Variants in MYO7B observed in about 807,000 individuals in gnomAD.
MYO7B encodes myosin VIIB, also known as unconventional myosin-VIIb.
A neutral mutation model predicts 259.7 loss-of-function variants in MYO7B; 212 were observed. The observed-to-expected ratio is 0.82, with a 90% CI of 0.73 to 0.91. The LOEUF is 0.91. Among genes scored for constraint, MYO7B ranks in the 40% least tolerant of loss-of-function variants. The pLI, the probability that MYO7B is intolerant of heterozygous loss-of-function variation, is 0.00. For missense variants in MYO7B, 2,732 were observed against 2,813.5 expected, an observed-to-expected ratio of 0.97 and a Z score of 0.66; for synonymous variants, 1,197 against 1,166.4, an observed-to-expected ratio of 1.03 and a Z score of -0.54.
At chr2:127,538,620 C>T (rs906689030) in intron 1 of MYO7B, among the ~76,000 whole-genome samples, 1 of 151,368 alleles carries the variant, frequency 6.6e-6, no homozygotes, top group African/African-American at 2.4e-5. Context: ...GGCTGGAGGG[C>T]AATGGCATGA....
In MYO7B at chr2:127,614,495, A is replaced by C. The variant is rs1680498901; in HGVS notation, c.3398+1892A>C. On this transcript the variant is annotated intron_variant, in intron 26 of 47. Transcript: ENST00000409816. The surrounding 1 kb of genome is among the most constrained non-coding windows in gnomAD (Gnocchi z 4.6). The stretch of plus-strand genomic sequence containing the variant: ...GATGGGCTCAGAATTCTCCAGGAAC[A>C]AGCAGGCGCTAATGTCTTTGTTCAT... Among the ~76,000 whole-genome samples, 1 of 152,148 alleles carries C rather than the reference A, an allele frequency of 6.6e-6. No homozygotes were observed. Among genetic ancestry groups the C allele is most frequent in the African/African-American group, 2.4e-5 (1 of 41,434 alleles).
At position 127,628,206 on chromosome 2, in the gene MYO7B, T is replaced by C. The variant is rs912809173; in HGVS notation, c.4461-166T>C. 1 of 834,974 alleles carries C rather than the reference T, an allele frequency of 1.2e-6. No individual in the cohort carries two copies. Among genetic ancestry groups the C allele is most frequent in the Non-Finnish European group, 2.0e-6 (1 of 508,312 alleles). 51.7% of individuals were successfully genotyped at this position (834,974 alleles called of 1,614,324 possible). ...AGGTCCTGTGCTCCGCCGTCCTTCA[T>C]TTGTCCAGACCCACAGTGGTGTCTG... On this transcript the variant is annotated intron_variant, in intron 33 of 47. Coordinates refer to ENST00000409816, the MANE Select transcript of MYO7B (RefSeq NM_001393586.1). This position sits in a 1 kb window ranked among gnomAD's most constrained non-coding sequence, Gnocchi z 4.8.
At position 127,629,638 on chromosome 2, in the gene MYO7B, C is replaced by T. The variant is rs1681353179; in HGVS notation, c.4625-7C>T. ...GCCCTCAGCAAATAGCCTCCCTGCC[C>T]TTACAGATGACACCACCCTCCTGGC... On this transcript the variant is annotated splice_polypyrimidine_tract_variant and splice_region_variant and intron_variant, in intron 34 of 47. Coordinates refer to ENST00000409816, the MANE Select transcript of MYO7B (RefSeq NM_001393586.1). 6.2e-7 allele frequency: 1 copy of T among 1,610,544 alleles called. No homozygotes were observed.
At chr2:127,551,563 GT>G (rs1251851656) in intron 1 of MYO7B, among the ~76,000 whole-genome samples, 1 of 152,234 alleles carries the variant, frequency 6.6e-6, no homozygotes, top group African/African-American at 2.4e-5. Context: ...TCGAGATGGG[GT>G]GAATTAGTCT....
chr2:127,574,639 T>G (rs1167854231), intron 7 of MYO7B, among the ~76,000 whole-genome samples: 1 of 152,238 alleles, frequency 6.6e-6, no homozygotes, highest in African/African-American at 2.4e-5. Context: ...ATTCTGAGAC[T>G]AGGCTAGTTG....
intron 1 of MYO7B, among the ~76,000 whole-genome samples, chr2:127,540,501 T>A (rs1443042236): frequency 6.6e-6 from 1 of 152,238 alleles, no homozygotes; most frequent in Non-Finnish European, 1.5e-5. Flanking sequence ...ATCTTATTGC[T>A]GGATCTAACG....
Position 127,624,330 on chromosome 2 carries a change from C to G in MYO7B, c.4047+10C>G, listed in dbSNP as rs1475234465. The stretch of plus-strand genomic sequence containing the variant: ...GTACAGCTTCGAGAAGGTGAGGGGC[C>G]TGAGAGCCAGGTCCACCCTAGGCTT... On this transcript the variant is annotated intron_variant, in intron 30 of 47. Coordinates refer to ENST00000409816, the MANE Select transcript of MYO7B (RefSeq NM_001393586.1). 7.0e-6 allele frequency: 11 copies of G among 1,561,260 alleles called. No individual in the cohort carries two copies. The African/African-American group carries it at 1.4e-4, about 19-fold the overall frequency.
Position 127,565,303 on chromosome 2 carries a change from A to T in MYO7B, c.203A>T (p.Asp68Val). ...CACCCCAACTCAGTCCAGGGTGTGG[A>T]CGACATGATCCGCCTGGGGGACCTG... is the stretch of plus-strand genomic sequence containing the variant. ...PMHPNSVQGVDDMIRLGDLNE... is the reference protein window; with the variant it reads ...PMHPNSVQGVVDMIRLGDLNE... Residue 68 changes from aspartate to valine, a missense_variant, in exon 4 of 48, where the codon GAC (aspartate) becomes GTC (valine). This residue lies in a region of MYO7B where 1,906 missense variants were observed against 2,026.4 expected (regional missense o/e 0.94). Coordinates refer to ENST00000409816, the MANE Select transcript of MYO7B (RefSeq NM_001393586.1). The T allele has an allele frequency of 6.2e-7, 1 of 1,614,008 alleles. No homozygotes were observed. Among genetic ancestry groups the T allele is most frequent in the Non-Finnish European group, 8.5e-7 (1 of 1,179,864 alleles).
chr2:127,592,454 A>G (rs931762171), intron 16 of MYO7B, among the ~76,000 whole-genome samples: 28 of 152,240 alleles, frequency 1.8e-4, no homozygotes, highest in African/African-American at 5.3e-4. Context: ...TAAACTGGGC[A>G]TGTGCAGAGG....
At chr2:127,582,562 C>T (rs1573651658) in intron 12 of MYO7B, 116 bp downstream of exon 12, 1 of 1,237,712 alleles carries the variant, frequency 8.1e-7, no homozygotes, top group East Asian at 2.5e-5. Context: ...CCTGGCGAGT[C>T]CCACCAGATC....
intron 1 of MYO7B, among the ~76,000 whole-genome samples, chr2:127,552,056 G>A (rs6713317): frequency 0.12 from 18,269 of 152,180 alleles, 1,677 homozygotes; most frequent in East Asian, 0.24. Flanking sequence ...CACAGTATTC[G>A]CAGGAGGGTG....
chr2:127,544,014 G>T (rs1422003750), intron 1 of MYO7B, among the ~76,000 whole-genome samples: 1 of 151,966 alleles, frequency 6.6e-6, no homozygotes, highest in Non-Finnish European at 1.5e-5. Context: ...CTCGTGATCT[G>T]CCTGCCTCGG....
chr2:127,576,484 G>A lies in MYO7B; in HGVS notation c.736-111G>A. On this transcript the variant is annotated intron_variant, in intron 7 of 47. Coordinates refer to ENST00000409816, the MANE Select transcript of MYO7B (RefSeq NM_001393586.1). This position sits in a 1 kb window ranked among gnomAD's most constrained non-coding sequence, Gnocchi z 4.9. ...GTCAGTGCCAGAGCTGCTCCTGGCT[G>A]AGAGATGTGGAGCGGAGGCCAGGGC... 1 of 617,112 alleles carries A rather than the reference G, an allele frequency of 1.6e-6. No homozygotes were observed. Among genetic ancestry groups the A allele is most frequent in the Non-Finnish European group, 2.7e-6 (1 of 372,556 alleles). The allele number at this position is 617,112 out of a possible 1,614,324, so 38.2% of individuals were successfully genotyped here.
rs1477353392 is a variant in MYO7B at position 127,535,945 on chromosome 2, G to A, written c.-24+114G>A. On this transcript the variant is annotated intron_variant, in intron 1 of 47. Transcript: ENST00000409816. The surrounding 1 kb of genome is among the most constrained non-coding windows in gnomAD (Gnocchi z 4.8). The stretch of plus-strand genomic sequence containing the variant: ...GAAATAAGATGGAACAGGTCTGAGG[G>A]ATAGAGAGTGGAGAAGCCCTTCAGG... The A allele has an allele frequency of 6.6e-6, 1 of 152,618 alleles. No individual in the cohort carries two copies. Among genetic ancestry groups the A allele is most frequent in the Non-Finnish European group, 1.5e-5 (1 of 68,346 alleles). 9.5% of individuals were successfully genotyped at this position (152,618 alleles called of 1,614,324 possible). A position where few individuals can be genotyped will look rare whatever the true frequency, so the allele number is the denominator to read the frequency against.
Position 127,628,544 on chromosome 2 carries a change from C to T in MYO7B, c.4624+9C>T, listed in dbSNP as rs886637445. ...GGACAGGAAGGCCACAGGTGCCAGA[C>T]TGGGTGGGGTGGGGTGGGGTGGGGT... On this transcript the variant is annotated intron_variant, in intron 34 of 47. Transcript: ENST00000409816. This position sits in a 1 kb window ranked among gnomAD's most constrained non-coding sequence, Gnocchi z 4.8. The T allele has an allele frequency of 2.9e-5, 15 of 516,034 alleles. No homozygotes were observed. Among genetic ancestry groups the T allele is most frequent in the Admixed American group, 6.6e-5 (1 of 15,110 alleles). The allele number at this position is 516,034 out of a possible 1,614,324, so 32.0% of individuals were successfully genotyped here. A position where few individuals can be genotyped will look rare whatever the true frequency, so the allele number is the denominator to read the frequency against.
rs1417246938 is a variant in MYO7B, at chr2:127,614,451, T to C, written c.3398+1848T>C. ...TGTACAGCTCCCATCTCCTGTCCTC[T>C]CTCCTCCTTGCCCATCAGGATGGGC... On this transcript the variant is annotated intron_variant, in intron 26 of 47. Coordinates refer to ENST00000409816, the MANE Select transcript of MYO7B (RefSeq NM_001393586.1). This position sits in a 1 kb window ranked among gnomAD's most constrained non-coding sequence, Gnocchi z 4.6. 6.6e-6 allele frequency among the ~76,000 whole-genome samples: 1 copy of C among 152,056 alleles called. No homozygotes were observed. Among genetic ancestry groups the C allele is most frequent in the African/African-American group, 2.4e-5 (1 of 41,410 alleles).
At chr2:127,612,418 C>T (rs1680420540) in intron 25 of MYO7B, 58 bp from the exon 26 acceptor site, 13 of 1,549,478 alleles carry the variant, frequency 8.4e-6, no homozygotes, top group Non-Finnish European at 1.0e-5. Flanking sequence ...GCACCAGTTT[C>T]CTACTTGGCA....
intron 26 of MYO7B, among the ~76,000 whole-genome samples, chr2:127,619,032 C>T (rs536709818): frequency 0.015 from 1,054 of 71,002 alleles, 7 homozygotes; most frequent in Non-Finnish European, 0.019. Context: ...TGGGGGCTGG[C>T]TGAATGGTGG....
intron 26 of MYO7B, among the ~76,000 whole-genome samples, chr2:127,618,008 TGTTA>T (rs914353490): frequency 2.0e-4 from 31 of 152,264 alleles, no homozygotes; most frequent in African/African-American, 7.0e-4. Flanking sequence ...CTATAGTCCC[TGTTA>T]GTTCCCGCAA....
Sources: allele counts gnomAD v4.1 joint callset (sites outside exome capture counted in the v4.1 genomes callset), GRCh38; gene constraint gnomAD v4.1.1; regional missense constraint gnomAD v4.1.1; non-coding constraint Gnocchi (gnomAD v3.1); transcripts MANE v1.5; gene names NCBI Gene and HGNC (gene_info 2026-07-23, HGNC 2026-07-21).